The following LSAMP variants were observed in gnomAD, a reference collection of about 807,000 sequenced individuals.
The protein encoded by LSAMP is limbic system associated membrane protein.
In LSAMP, 7 loss-of-function variants were observed where a neutral mutation model predicts 38.6. That is an observed-to-expected ratio of 0.18 (90% CI 0.10 to 0.34). The LOEUF is 0.34. Ranked by LOEUF, LSAMP falls within the 10% of genes least tolerant of loss-of-function variation. The pLI is 1.00. For synonymous variants in LSAMP, 154 were observed against 166.8 expected (o/e 0.92, Z 0.59); for missense variants, 313 against 420.0 (o/e 0.75, Z 2.23).
intron 3 of LSAMP, among the ~76,000 whole-genome samples, chr3:115,885,010 A>G (rs1270815855): frequency 6.6e-6 from 1 of 152,080 alleles, no homozygotes; most frequent in East Asian, 1.9e-4. Flanking sequence ...AGAAGAAAGT[A>G]TATTAAATAT....
chr3:115,969,025 C>T (rs1938921656), intron 3 of LSAMP, among the ~76,000 whole-genome samples: 1 of 152,182 alleles, frequency 6.6e-6, no homozygotes, highest in South Asian at 2.1e-4. Flanking sequence ...TCACCTTCCC[C>T]TAAGCACACA....
intron 1 of LSAMP, among the ~76,000 whole-genome samples, chr3:116,175,122 C>T (rs1710305316): frequency 6.6e-6 from 1 of 151,454 alleles, no homozygotes; most frequent in Non-Finnish European, 1.5e-5. Context: ...AACACTCATC[C>T]TGAGACAGCT....
chr3:116,059,402 G>A (rs1444187339), intron 2 of LSAMP, among the ~76,000 whole-genome samples: 12 of 152,042 alleles, frequency 7.9e-5, no homozygotes, highest in Admixed American at 7.9e-4. Context: ...AACCCCCTTG[G>A]TATTTTGCTT....
chr3:116,098,282 T>C (rs1351729178), intron 1 of LSAMP, among the ~76,000 whole-genome samples: 1 of 152,004 alleles, frequency 6.6e-6, no homozygotes, highest in East Asian at 2.0e-4. Flanking sequence ...GAGGATCACC[T>C]GAGATCAGGA....
chr3:116,117,153 A>G (rs889772470), intron 1 of LSAMP, among the ~76,000 whole-genome samples: 1 of 152,190 alleles, frequency 6.6e-6, no homozygotes, highest in Non-Finnish European at 1.5e-5. Context: ...TATCTAAAAT[A>G]CTGATATGGT....
intron 1 of LSAMP, among the ~76,000 whole-genome samples, chr3:116,147,905 C>T (rs1275501325): frequency 2.0e-5 from 3 of 151,958 alleles, no homozygotes; most frequent in South Asian, 2.1e-4. Context: ...TGATACCATT[C>T]TTTTCGTCTG....
intron 1 of LSAMP, among the ~76,000 whole-genome samples, chr3:116,143,519 C>T (rs1413012324): frequency 6.6e-6 from 1 of 151,864 alleles, no homozygotes; most frequent in Non-Finnish European, 1.5e-5. Context: ...ATACGCTGTT[C>T]TCCATAATGT....
At chr3:116,301,447 A>C (rs756863403) in intron 1 of LSAMP, among the ~76,000 whole-genome samples, 38 of 152,226 alleles carry the variant, frequency 2.5e-4, no homozygotes, top group Non-Finnish European at 7.3e-5. Flanking sequence ...CTTATAATCA[A>C]GGAAGATGAT....
At chr3:116,214,077 AT>A (rs756001455) in intron 1 of LSAMP, among the ~76,000 whole-genome samples, 18 of 152,220 alleles carry the variant, frequency 1.2e-4, no homozygotes, top group East Asian at 7.7e-4. Flanking sequence ...CAATAAAATG[AT>A]TTTTAAAAAA....
intron 3 of LSAMP, among the ~76,000 whole-genome samples, chr3:115,865,887 G>A (rs1211363115): frequency 6.6e-6 from 1 of 152,170 alleles, no homozygotes; most frequent in Non-Finnish European, 1.5e-5. Context: ...TTTAGATCAG[G>A]AAAGACTGAA....
chr3:115,925,643 G>A (rs1207108986), intron 3 of LSAMP, among the ~76,000 whole-genome samples: 1 of 152,134 alleles, frequency 6.6e-6, no homozygotes, highest in Admixed American at 6.5e-5. Context: ...TAACTAATAT[G>A]AACTGACCCT....
chr3:115,817,076 A>C (rs1007574771), intron 6 of LSAMP, among the ~76,000 whole-genome samples: 2 of 152,210 alleles, frequency 1.3e-5, no homozygotes, highest in African/African-American at 4.8e-5. Context: ...GATCAAGTCT[A>C]TTCCAACTTA....
chr3:116,086,267 A>G (rs1046805202), intron 2 of LSAMP, 57 bp downstream of exon 2: 34 of 1,293,008 alleles, frequency 2.6e-5, no homozygotes, highest in Non-Finnish European at 3.5e-5. Flanking sequence ...TTTGTACATT[A>G]TTATTCTGCA....
chr3:116,427,227 TCTC>T (rs1456600635), intron 1 of LSAMP, among the ~76,000 whole-genome samples: 1 of 150,822 alleles, frequency 6.6e-6, no homozygotes. Context: ...TTCACGCCAT[TCTC>T]CTGCCTCAGC....
chr3:116,396,602 C>T (rs1053586932), intron 1 of LSAMP, among the ~76,000 whole-genome samples: 1 of 152,172 alleles, frequency 6.6e-6, no homozygotes, highest in African/African-American at 2.4e-5. Flanking sequence ...CTCTAGAAAG[C>T]AGAGATGGTA....
At position 116,445,424 on chromosome 3, in the gene LSAMP, G is replaced by T; in HGVS notation, c.-393C>A. On this transcript the variant is annotated 5_prime_UTR_variant, in exon 1 of 7. Coordinates refer to ENST00000490035, the MANE Select transcript of LSAMP (RefSeq NM_002338.5). ...CTGTAACCCACTTTCCCAGGCTGGCGGGCGGGCGGGCGAGGGAGCCGGCAC... is the reference window on the plus strand; with the variant it reads ...CTGTAACCCACTTTCCCAGGCTGGCTGGCGGGCGGGCGAGGGAGCCGGCAC... The T allele has an allele frequency of 4.6e-6, 2 of 435,570 alleles. No individual in the cohort carries two copies. Among genetic ancestry groups the T allele is most frequent in the South Asian group, 6.7e-5 (1 of 14,918 alleles). The allele number at this position is 435,570 out of a possible 1,614,324, so 27.0% of individuals were successfully genotyped here.
intron 2 of LSAMP, among the ~76,000 whole-genome samples, chr3:116,050,468 A>G (rs1002262969): frequency 6.6e-6 from 1 of 152,122 alleles, no homozygotes; most frequent in Non-Finnish European, 1.5e-5. Context: ...CTCACCAAAA[A>G]AGCCCTGTAA....
At chr3:115,954,270 G>A (rs187627884) in intron 3 of LSAMP, among the ~76,000 whole-genome samples, 1 of 152,260 alleles carries the variant, frequency 6.6e-6, no homozygotes, top group African/African-American at 2.4e-5. Context: ...CAGTTTTACT[G>A]TGGATAGCCT....
intron 3 of LSAMP, among the ~76,000 whole-genome samples, chr3:115,922,124 C>G (rs549698368): frequency 6.6e-6 from 1 of 152,042 alleles, no homozygotes; most frequent in Non-Finnish European, 1.5e-5. Flanking sequence ...TGATTTTTTC[C>G]TCCAGACTTG....
Sources: allele counts gnomAD v4.1 joint callset (sites outside exome capture counted in the v4.1 genomes callset), GRCh38; gene constraint gnomAD v4.1.1; transcripts MANE v1.5; gene names NCBI Gene and HGNC (gene_info 2026-07-23, HGNC 2026-07-21).